ZNF362: variants seen among roughly 807,000 people sequenced by gnomAD.
ZNF362 encodes rotund homolog.
Under a neutral mutation model 42.9 loss-of-function variants are expected in ZNF362, and 11 were observed. The ratio of observed to expected loss-of-function variants is 0.26; its 90% CI spans 0.16 to 0.42. The LOEUF is 0.42. Ranked by LOEUF, ZNF362 falls within the 20% of genes least tolerant of loss-of-function variation. ZNF362 has a pLI of 1.00. For synonymous variants in ZNF362, 255 were observed against 257.3 expected, an observed-to-expected ratio of 0.99 and a Z score of 0.09; for missense variants, 362 against 576.2, an observed-to-expected ratio of 0.63 and a Z score of 3.81.
At chr1:33,159,558 G>A in the ZNF362 span, 25 of 1,344,912 alleles carry the variant, frequency 1.9e-5, no homozygotes, top group Non-Finnish European at 2.2e-5. The surrounding 1 kb of genome is among the most constrained non-coding windows in gnomAD (Gnocchi z 4.2). Context: ...CAGATGTCCC[G>A]TAAATGTTTG....
the ZNF362 span, among the ~76,000 whole-genome samples, chr1:33,168,137 A>G: frequency 6.6e-6 from 1 of 152,202 alleles, no homozygotes; most frequent in East Asian, 1.9e-4. Context: ...CAGAAGGATG[A>G]GGAGGAGCCA....
At chr1:33,147,567 G>A in the ZNF362 span, 9 of 1,613,914 alleles carry the variant, frequency 5.6e-6, no homozygotes, top group Non-Finnish European at 7.6e-6. This position sits in a 1 kb window ranked among gnomAD's most constrained non-coding sequence, Gnocchi z 8.1. Context: ...CGCCACTACT[G>A]AAGGCTTCAG....
chr1:33,209,870 A>C, the ZNF362 span, among the ~76,000 whole-genome samples: 1 of 151,840 alleles, frequency 6.6e-6, no homozygotes, highest in Non-Finnish European at 1.5e-5. Context: ...TTTTCAAAAA[A>C]CCAGCTCCTG....
the ZNF362 span, among the ~76,000 whole-genome samples, chr1:33,184,025 G>A: frequency 7.7e-6 from 1 of 130,116 alleles, no homozygotes; most frequent in Non-Finnish European, 1.6e-5. Context: ...AATTATTGAA[G>A]CATTTGAAAT....
In ZNF362 at chr1:33,286,419, C is replaced by T. The variant is rs578014838; in HGVS notation, c.908+4608C>T. 2.0e-5 allele frequency among the ~76,000 whole-genome samples: 3 copies of T among 151,808 alleles called. No individual in the cohort carries two copies. The South Asian group carries it at 6.2e-4, about 32-fold the overall frequency. On this transcript the variant is annotated intron_variant, in intron 6 of 8. Coordinates refer to ENST00000539719, the MANE Select transcript of ZNF362 (RefSeq NM_152493.3). ...AAAAAGCAACAAAAAATTAACAGGCCTTTGAAGGAGAGGAGAATATTTTGC... is the reference window on the plus strand; with the variant it reads ...AAAAAGCAACAAAAAATTAACAGGCTTTTGAAGGAGAGGAGAATATTTTGC...
At chr1:33,220,586 G>A in the ZNF362 span, among the ~76,000 whole-genome samples, 3 of 151,924 alleles carry the variant, frequency 2.0e-5, no homozygotes, top group Admixed American at 1.3e-4. Context: ...GTGTGGAGGC[G>A]CCATCTGTGG....
the ZNF362 span, among the ~76,000 whole-genome samples, chr1:33,197,118 G>A: frequency 3.3e-5 from 5 of 152,128 alleles, no homozygotes; most frequent in African/African-American, 9.7e-5. Flanking sequence ...CCTGCTCTTG[G>A]ACATCAGAGT....
At chr1:33,186,611 G>A in the ZNF362 span, among the ~76,000 whole-genome samples, 1 of 148,620 alleles carries the variant, frequency 6.7e-6, no homozygotes, top group East Asian at 2.1e-4. Context: ...TTTGAGACCA[G>A]CCTGGCCAAC....
the ZNF362 span, among the ~76,000 whole-genome samples, chr1:33,200,850 G>T: frequency 5.0e-4 from 76 of 152,298 alleles, no homozygotes; most frequent in Middle Eastern, 3.4e-3. Flanking sequence ...TATTTAAAGA[G>T]ATAATCAGGT....
chr1:33,160,146 A>G, the ZNF362 span, among the ~76,000 whole-genome samples: 3 of 152,196 alleles, frequency 2.0e-5, no homozygotes, highest in East Asian at 5.8e-4. Context: ...AGCTAATGAA[A>G]TGGCCCAGGT....
the ZNF362 span, among the ~76,000 whole-genome samples, chr1:33,242,929 A>G: frequency 6.6e-6 from 1 of 152,184 alleles, no homozygotes; most frequent in Admixed American, 6.5e-5. Context: ...CCCAGAAAAC[A>G]GTAGGAGGTG....
At chr1:33,181,385 G>A in the ZNF362 span, 5 of 1,602,364 alleles carry the variant, frequency 3.1e-6, no homozygotes, top group African/African-American at 1.3e-5. This position sits in a 1 kb window ranked among gnomAD's most constrained non-coding sequence, Gnocchi z 6.5. Context: ...CCTGGTAGAT[G>A]CTCAGGCAGA....
chr1:33,183,351 C>T, the ZNF362 span, among the ~76,000 whole-genome samples: 267 of 152,328 alleles, frequency 1.8e-3, 1 homozygote, highest in African/African-American at 5.9e-3. Context: ...ATGGTTAACA[C>T]TTTCTCCATC....
upstream of ZNF362, among the ~76,000 whole-genome samples, chr1:33,256,369 C>G (rs1367346360): frequency 7.0e-6 from 1 of 143,338 alleles, no homozygotes; most frequent in African/African-American, 2.5e-5. Context: ...GGGGGCCCGA[C>G]GCGGCCCCCC....
the ZNF362 span, among the ~76,000 whole-genome samples, chr1:33,230,040 T>C: frequency 6.6e-6 from 1 of 152,172 alleles, no homozygotes; most frequent in East Asian, 1.9e-4. Context: ...TGGATTTTTT[T>C]GTTTGTTTTT....
At chr1:33,223,663 C>T in the ZNF362 span, among the ~76,000 whole-genome samples, 5,645 of 152,152 alleles carry the variant, frequency 0.037, 156 homozygotes, top group African/African-American at 0.077. Flanking sequence ...GAGGCTGAGG[C>T]GGGTGAATCA....
the ZNF362 span, chr1:33,181,271 C>T: frequency 1.9e-5 from 29 of 1,547,720 alleles, no homozygotes; most frequent in Admixed American, 3.9e-5. This position sits in a 1 kb window ranked among gnomAD's most constrained non-coding sequence, Gnocchi z 6.5. Context: ...CGAACGTGCG[C>T]CGGCACTCGG....
the ZNF362 span, chr1:33,165,613 C>A: frequency 6.5e-7 from 1 of 1,528,008 alleles, no homozygotes; most frequent in Non-Finnish European, 8.9e-7. The surrounding 1 kb of genome is among the most constrained non-coding windows in gnomAD (Gnocchi z 4.0). Flanking sequence ...CATGCCTGGC[C>A]CAGGCATTCA....
the ZNF362 span, among the ~76,000 whole-genome samples, chr1:33,167,820 G>C: frequency 1.3e-5 from 2 of 152,182 alleles, no homozygotes; most frequent in East Asian, 3.8e-4. The surrounding 1 kb of genome is among the most constrained non-coding windows in gnomAD (Gnocchi z 4.2). Context: ...ATGATGACAT[G>C]CTGATGGAAG....
Sources: allele counts gnomAD v4.1 joint callset (sites outside exome capture counted in the v4.1 genomes callset), GRCh38; gene constraint gnomAD v4.1.1; non-coding constraint Gnocchi (gnomAD v3.1); transcripts MANE v1.5; gene names NCBI Gene and HGNC (gene_info 2026-07-23, HGNC 2026-07-21).